Variants in CYP7B1 observed in about 807,000 individuals in gnomAD.
CYP7B1 encodes cytochrome P450 7B1.
Under a neutral mutation model 42.7 loss-of-function variants are expected in CYP7B1, and 29 were observed. That is an observed-to-expected ratio of 0.68 (90% CI 0.51 to 0.93). CYP7B1 has a LOEUF of 0.93. Among genes scored for constraint, CYP7B1 ranks in the 40% least tolerant of loss-of-function variants. The pLI is 0.00. For synonymous variants in CYP7B1, 235 were observed against 218.2 expected, an observed-to-expected ratio of 1.08 and a Z score of -0.68; for missense variants, 655 against 600.5, an observed-to-expected ratio of 1.09 and a Z score of -0.95.
intron 1 of CYP7B1, among the ~76,000 whole-genome samples, chr8:64,661,564 G>T (rs1255696268): frequency 6.6e-6 from 1 of 152,140 alleles, no homozygotes; most frequent in Admixed American, 6.5e-5. Flanking sequence ...GTTGATTTCT[G>T]TTAAACTGTT....
chr8:64,678,823 C>T (rs1806491197), intron 1 of CYP7B1, among the ~76,000 whole-genome samples: 1 of 151,716 alleles, frequency 6.6e-6, no homozygotes, highest in Admixed American at 6.6e-5. Context: ...CCCTTCTTAT[C>T]CCAAGAAATT....
At chr8:64,703,804 A>G (rs1304942650) in intron 1 of CYP7B1, 6 of 152,062 alleles carry the variant, frequency 3.9e-5, no homozygotes, top group Non-Finnish European at 8.8e-5. Flanking sequence ...ATTTAAATTG[A>G]TTGTCCAATG....
intron 1 of CYP7B1, among the ~76,000 whole-genome samples, chr8:64,639,558 T>C (rs1271281217): frequency 1.3e-5 from 2 of 152,032 alleles, no homozygotes; most frequent in Admixed American, 1.3e-4. Flanking sequence ...TAAAATGAGA[T>C]ACTACTATAC....
intron 1 of CYP7B1, among the ~76,000 whole-genome samples, chr8:64,790,008 A>G (rs1804592117): frequency 6.6e-6 from 1 of 152,226 alleles, no homozygotes; most frequent in Non-Finnish European, 1.5e-5. Context: ...AACTGTGGTG[A>G]CCACTGAGCA....
intron 1 of CYP7B1, among the ~76,000 whole-genome samples, chr8:64,705,644 G>T (rs1338115883): frequency 6.6e-6 from 1 of 151,882 alleles, no homozygotes; most frequent in Non-Finnish European, 1.5e-5. Flanking sequence ...TTGCAGTTAA[G>T]GTACACTTTT....
chr8:64,625,442 G>A (rs1805595962), intron 1 of CYP7B1, among the ~76,000 whole-genome samples: 1 of 152,140 alleles, frequency 6.6e-6, no homozygotes, highest in Non-Finnish European at 1.5e-5. Context: ...AGATCTCCGG[G>A]AAACTAAATC....
chr8:64,646,028 C>T (rs569188422), intron 1 of CYP7B1, among the ~76,000 whole-genome samples: 3 of 152,288 alleles, frequency 2.0e-5, no homozygotes, highest in East Asian at 1.9e-4. Flanking sequence ...CCCTTCCTTA[C>T]ACCTTATACA....
At position 64,798,625 on chromosome 8, in the gene CYP7B1, T is replaced by G; in HGVS notation, c.-38A>C. The G allele has an allele frequency of 1.4e-6, 2 of 1,446,866 alleles. No individual in the cohort carries two copies. Among genetic ancestry groups the G allele is most frequent in the Non-Finnish European group, 1.8e-6 (2 of 1,109,214 alleles). 89.6% of individuals were successfully genotyped at this position (1,446,866 alleles called of 1,614,324 possible). On this transcript the variant is annotated 5_prime_UTR_variant, in exon 1 of 6. Coordinates refer to ENST00000310193, the MANE Select transcript of CYP7B1 (RefSeq NM_004820.5). Reference sequence around the variant, plus strand: ...AGGCCGCGGTGGGCAGCCCGGGGTCTGCCTGCGAACAGCGCGGTCGGCGAC... The same window carrying G: ...AGGCCGCGGTGGGCAGCCCGGGGTCGGCCTGCGAACAGCGCGGTCGGCGAC...
chr8:64,712,031 G>A (rs1049347816), intron 1 of CYP7B1, among the ~76,000 whole-genome samples: 1 of 152,132 alleles, frequency 6.6e-6, no homozygotes, highest in Non-Finnish European at 1.5e-5. Context: ...GATAAAGTCA[G>A]CAAAGAACAG....
At chr8:64,744,231 G>T (rs1292659314) in intron 1 of CYP7B1, among the ~76,000 whole-genome samples, 1 of 152,104 alleles carries the variant, frequency 6.6e-6, no homozygotes, top group Non-Finnish European at 1.5e-5. Flanking sequence ...AAATATTTAA[G>T]AAGTTTGAAA....
At chr8:64,706,193 G>A (rs1563398999) in intron 1 of CYP7B1, among the ~76,000 whole-genome samples, 2 of 151,982 alleles carry the variant, frequency 1.3e-5, no homozygotes, top group African/African-American at 4.8e-5. Context: ...TGAGATAAAA[G>A]GATACCTCTA....
chr8:64,794,594 G>C (rs1211456755), intron 1 of CYP7B1, among the ~76,000 whole-genome samples: 1 of 152,096 alleles, frequency 6.6e-6, no homozygotes, highest in African/African-American at 2.4e-5. Flanking sequence ...AGCCCTTTGG[G>C]ATCTCTTTTA....
At chr8:64,788,676 T>G (rs1200729408) in intron 1 of CYP7B1, among the ~76,000 whole-genome samples, 2 of 152,258 alleles carry the variant, frequency 1.3e-5, no homozygotes, top group Non-Finnish European at 2.9e-5. Context: ...TTTATTCATC[T>G]TTCTTAAATG....
At chr8:64,725,963 C>T (rs1490230243) in intron 1 of CYP7B1, among the ~76,000 whole-genome samples, 1 of 152,074 alleles carries the variant, frequency 6.6e-6, no homozygotes, top group African/African-American at 2.4e-5. Flanking sequence ...GGCTGCAGGG[C>T]CAGAGATTTC....
At chr8:64,631,489 C>A (rs1805694761) in intron 1 of CYP7B1, among the ~76,000 whole-genome samples, 1 of 152,106 alleles carries the variant, frequency 6.6e-6, no homozygotes, top group African/African-American at 2.4e-5. Flanking sequence ...GAGGAAAGAG[C>A]TCCTTAATGT....
chr8:64,690,012 A>G (rs1806714701), intron 1 of CYP7B1, among the ~76,000 whole-genome samples: 1 of 152,244 alleles, frequency 6.6e-6, no homozygotes, highest in African/African-American at 2.4e-5. Context: ...TAATTTTAAA[A>G]GAATATTCCA....
chr8:64,619,295 T>C lies in CYP7B1; in HGVS notation c.260-3014A>G, dbSNP rs1052272179. 2.0e-5 allele frequency among the ~76,000 whole-genome samples: 3 copies of C among 152,296 alleles called. No individual in the cohort carries two copies. The East Asian group carries it at 5.8e-4, about 29-fold the overall frequency. On this transcript the variant is annotated intron_variant, in intron 2 of 5. Transcript: ENST00000310193. ...AAGGCCGTGTATTCTTGCAGCAACA[T>C]TAACTTTTGCTCCAGGGTGATTTTA...
In CYP7B1 at chr8:64,595,096, A is replaced by G. The variant is rs1805097790; in HGVS notation, c.*1546T>C. Among the ~76,000 whole-genome samples the G allele has an allele frequency of 6.6e-6, 1 of 152,238 alleles. No individual in the cohort carries two copies. Among genetic ancestry groups the G allele is most frequent in the Admixed American group, 6.5e-5 (1 of 15,288 alleles). ...ACAATGGATACCTTAAGAACGGGCA[A>G]TATCTTCAAAGTGCTGTGAGGAAAT... On this transcript the variant is annotated 3_prime_UTR_variant, in exon 6 of 6. Coordinates refer to ENST00000310193, the MANE Select transcript of CYP7B1 (RefSeq NM_004820.5).
intron 1 of CYP7B1, among the ~76,000 whole-genome samples, chr8:64,742,053 C>T (rs1215722637): frequency 6.6e-6 from 1 of 152,108 alleles, no homozygotes; most frequent in Non-Finnish European, 1.5e-5. Context: ...GATAGATTAA[C>T]ACTGTTCTCA....
Sources: gnomAD v4.1 joint callset for allele counts (sites outside exome capture counted in the v4.1 genomes callset) on GRCh38, gnomAD v4.1.1 for gene constraint, MANE v1.5 for transcripts, NCBI Gene and HGNC (gene_info 2026-07-23, HGNC 2026-07-21) for gene names.